SLC39A14: variants seen among roughly 807,000 people sequenced by gnomAD.
SLC39A14 encodes the protein solute carrier family 39 member 14.
In SLC39A14, 19 loss-of-function variants were observed where a neutral mutation model predicts 45.5. That is an observed-to-expected ratio of 0.42 (90% CI 0.29 to 0.61). SLC39A14 has a LOEUF of 0.61. Ranked by LOEUF, SLC39A14 falls within the 20% of genes least tolerant of loss-of-function variation. The pLI is 0.22. For missense variants in SLC39A14, 447 were observed against 616.5 expected, an observed-to-expected ratio of 0.73 and a Z score of 2.91; for synonymous variants, 264 against 251.3, an observed-to-expected ratio of 1.05 and a Z score of -0.48.
At chr8:22,427,675 G>A (rs1031453726), downstream of SLC39A14, among the ~76,000 whole-genome samples, 3 of 152,100 alleles carry the variant, frequency 2.0e-5, no homozygotes, top group Admixed American at 6.6e-5. Flanking sequence ...AATATCTTAC[G>A]CTGCCAAATT....
intron 4 of SLC39A14, 149 bp from the exon 5 acceptor site, chr8:22,414,631 T>C: frequency 1.3e-6 from 1 of 761,578 alleles, no homozygotes; most frequent in Admixed American, 3.3e-5. Context: ...GACTAGATTT[T>C]TGCTGGAAAG....
At chr8:22,408,103 G>A (rs1194752438) in intron 2 of SLC39A14, among the ~76,000 whole-genome samples, 1 of 152,200 alleles carries the variant, frequency 6.6e-6, no homozygotes, top group East Asian at 1.9e-4. Flanking sequence ...TTCCTGGCTG[G>A]CTGAGCCATA....
At chr8:22,423,871 T>TAG (rs1309216374), downstream of SLC39A14, among the ~76,000 whole-genome samples, 1 of 150,442 alleles carries the variant, frequency 6.6e-6, no homozygotes, top group East Asian at 2.0e-4. Context: ...TATATCTATC[T>TAG]AGAGAGAGAG....
chr8:22,403,867 G>A (rs540402569), intron 1 of SLC39A14, among the ~76,000 whole-genome samples: 2 of 152,048 alleles, frequency 1.3e-5, no homozygotes, highest in South Asian at 2.1e-4. Flanking sequence ...GCAGTGAGCC[G>A]AGATCGTGCC....
At chr8:22,427,554 T>G (rs1287237687), downstream of SLC39A14, among the ~76,000 whole-genome samples, 1 of 151,860 alleles carries the variant, frequency 6.6e-6, no homozygotes, top group Non-Finnish European at 1.5e-5. Context: ...CCTCCCAGAA[T>G]AGGCGATTCT....
chr8:22,376,921 T>G (rs1453592923), intron 1 of SLC39A14, among the ~76,000 whole-genome samples: 1 of 152,158 alleles, frequency 6.6e-6, no homozygotes, highest in Non-Finnish European at 1.5e-5. Context: ...GAAGTTATCT[T>G]TCTTTCCCTT....
At position 22,406,422 on chromosome 8, in the gene SLC39A14, G is replaced by A. The variant is rs563835962; in HGVS notation, c.270+1442G>A. 7.0e-4 allele frequency among the ~76,000 whole-genome samples: 105 copies of A among 149,924 alleles called. 1 individual carries two copies. The highest frequency in any genetic ancestry group is 2.4e-3 in the African/African-American group (99 of 40,862). Reference sequence around the variant, plus strand: ...GGGGGGGAGGAGCGGGGCCGGGCGCGGTGGCTGACGCCTGTAACCCCAGCA... The same window carrying A: ...GGGGGGGAGGAGCGGGGCCGGGCGCAGTGGCTGACGCCTGTAACCCCAGCA... On this transcript the variant is annotated intron_variant, in intron 2 of 8. Coordinates refer to ENST00000381237, the MANE Select transcript of SLC39A14 (RefSeq NM_001128431.4).
At chr8:22,423,320 T>TTTG (rs1000201609), downstream of SLC39A14, among the ~76,000 whole-genome samples, 1 of 148,748 alleles carries the variant, frequency 6.7e-6, no homozygotes, top group African/African-American at 2.5e-5. Flanking sequence ...ATTTTTGAAT[T>TTTG]TTGTTGTTGT....
chr8:22,416,954 G>C (rs987411832), intron 7 of SLC39A14, among the ~76,000 whole-genome samples: 16 of 152,192 alleles, frequency 1.1e-4, no homozygotes, highest in Non-Finnish European at 1.8e-4. Context: ...ACTCAGTAAA[G>C]GCTCTCTTTT....
chr8:22,394,376 G>A (rs993776453), intron 1 of SLC39A14, among the ~76,000 whole-genome samples: 2 of 148,392 alleles, frequency 1.3e-5, no homozygotes, highest in African/African-American at 5.0e-5. Context: ...CCAGGCTGGA[G>A]TGCAGTGATC....
intron 1 of SLC39A14, among the ~76,000 whole-genome samples, chr8:22,381,557 A>G (rs1833515559): frequency 1.3e-5 from 2 of 152,276 alleles, no homozygotes; most frequent in East Asian, 1.9e-4. Flanking sequence ...GGCGTGAGCC[A>G]TAGCGCCCGG....
chr8:22,413,720 C>T (rs59721788), intron 4 of SLC39A14, among the ~76,000 whole-genome samples: 4,205 of 152,238 alleles, frequency 0.028, 191 homozygotes, highest in African/African-American at 0.095. Flanking sequence ...AATATATATA[C>T]TTCCTATGTA....
chr8:22,381,944 C>T (rs1033667251), intron 1 of SLC39A14, among the ~76,000 whole-genome samples: 2 of 152,060 alleles, frequency 1.3e-5, no homozygotes, highest in Non-Finnish European at 2.9e-5. Flanking sequence ...AGTCCGAGAC[C>T]AGCCTGGCCG....
chr8:22,375,936 A>AAATC (rs1833192063), intron 1 of SLC39A14, among the ~76,000 whole-genome samples: 1 of 152,242 alleles, frequency 6.6e-6, no homozygotes, highest in Admixed American at 6.5e-5. Context: ...CAGGAGCAGG[A>AAATC]AATCAACATT....
In SLC39A14 at chr8:22,419,836, A is replaced by G; in HGVS notation, c.*138A>G. 5.8e-6 allele frequency: 8 copies of G among 1,382,752 alleles called. No homozygotes were observed. The highest frequency in any genetic ancestry group is 7.5e-6 in the Non-Finnish European group (8 of 1,071,198). 85.7% of individuals were successfully genotyped at this position (1,382,752 alleles called of 1,614,324 possible). A position where few individuals can be genotyped will look rare whatever the true frequency, so the allele number is the denominator to read the frequency against. ...GACACAGACTGTATTCCTGCATTCA[A>G]ATGTCAGCCGTTTGTAAAATGCTGT... On this transcript the variant is annotated 3_prime_UTR_variant, in exon 9 of 9. Transcript: ENST00000381237.
chr8:22,416,216 G>T lies in SLC39A14; in HGVS notation c.1083G>T (p.Val361=). Residue 361 remains valine, a synonymous_variant, in exon 7 of 9, where the codon GTG becomes GTT. Transcript: ENST00000381237. The stretch of plus-strand genomic sequence containing the variant: ...TGGCCATCGGTGCTTCCTTCACTGT[G>T]TCAGTTTTCCAAGGCATCAGCACCT... ...DGLAIGASFT[V]SVFQGISTSV... 1 of 1,613,770 alleles carries T rather than the reference G, an allele frequency of 6.2e-7. No homozygotes were observed. The highest frequency in any genetic ancestry group is 2.2e-5 in the East Asian group (1 of 44,872).
Position 22,404,764 on chromosome 8 carries a change from G to T in SLC39A14, c.54G>T (p.Leu18=). The T allele has an allele frequency of 6.2e-7, 1 of 1,613,848 alleles. No individual in the cohort carries two copies. Among genetic ancestry groups the T allele is most frequent in the South Asian group, 1.1e-5 (1 of 91,084 alleles). Residue 18 remains leucine, a synonymous_variant, in exon 2 of 9, where the codon CTG becomes CTT. Coordinates refer to ENST00000381237, the MANE Select transcript of SLC39A14 (RefSeq NM_001128431.4). ...TCCAGAGCTGCCTCCTGCTGACCCT[G>T]CTTGGCTTATGGAGAACCACCCCTG... ...PAFQSCLLLT[L]LGLWRTTPEA... is the part of the protein sequence containing the mutation.
intron 1 of SLC39A14, among the ~76,000 whole-genome samples, chr8:22,400,132 A>T (rs1475060409): frequency 6.6e-6 from 1 of 152,172 alleles, no homozygotes; most frequent in Non-Finnish European, 1.5e-5. Flanking sequence ...GTTCCAGGAC[A>T]TGTATTTTTA....
intron 1 of SLC39A14, chr8:22,393,127 T>C (rs945400660): frequency 1.2e-6 from 1 of 860,948 alleles, no homozygotes. Context: ...GCCGCCCTCC[T>C]GCACTGTCTG....
Sources: allele counts gnomAD v4.1 joint callset (sites outside exome capture counted in the v4.1 genomes callset), GRCh38; gene constraint gnomAD v4.1.1; transcripts MANE v1.5; gene names NCBI Gene and HGNC (gene_info 2026-07-23, HGNC 2026-07-21).